Variants in ZNF487 observed in about 807,000 individuals in gnomAD.
ZNF487 encodes KRAB domain only 1.
Under a neutral mutation model 3.0 loss-of-function variants are expected in ZNF487, and 4 were observed. The observed-to-expected ratio is 1.35, with a 90% CI of 0.66 to 3.08. The LOEUF is 3.08. Among genes scored for constraint, ZNF487 ranks in the 30% most tolerant of loss-of-function variants. ZNF487 has a pLI of 0.01. For missense variants in ZNF487, 146 were observed against 98.7 expected (o/e 1.48, Z -2.03); for synonymous variants, 55 against 34.6 (o/e 1.59, Z -2.06).
At chr10:43,445,102 G>A (rs1839750266) in intron 1 of ZNF487, among the ~76,000 whole-genome samples, 1 of 151,038 alleles carries the variant, frequency 6.6e-6, no homozygotes, top group South Asian at 2.1e-4. Flanking sequence ...CTAATCTGCT[G>A]TTCATTTCAT....
chr10:43,459,060 C>G (rs1212746044), intron 1 of ZNF487, among the ~76,000 whole-genome samples: 2 of 152,066 alleles, frequency 1.3e-5, no homozygotes, highest in Non-Finnish European at 2.9e-5. Context: ...CTTAATTGAG[C>G]ATTCTGTCCA....
the ZNF487 span, among the ~76,000 whole-genome samples, chr10:43,497,347 A>T: frequency 6.6e-6 from 1 of 152,358 alleles, no homozygotes; most frequent in East Asian, 1.9e-4. Flanking sequence ...TCAGAACACA[A>T]ATTTTAATGA....
chr10:43,445,951 C>T (rs1388132093), intron 1 of ZNF487, among the ~76,000 whole-genome samples: 3 of 152,166 alleles, frequency 2.0e-5, no homozygotes, highest in Non-Finnish European at 4.4e-5. Context: ...ATCCATTTAA[C>T]CCTGAGTTGA....
Position 43,479,960 on chromosome 10 carries a change from T to C in ZNF487, c.131-1469T>C, listed in dbSNP as rs558579501. Among the ~76,000 whole-genome samples, 157 of 39,594 alleles carry C rather than the reference T, an allele frequency of 4.0e-3. 1 individual carries two copies. Among genetic ancestry groups the C allele is most frequent in the East Asian group, 0.02 (13 of 650 alleles). The allele number at this position is 39,594 out of a possible 152,430, so 26.0% of individuals were successfully genotyped here. ...TGTGAACCACTGCACCTGACTCTCT[T>C]TCTTTCTTTCTTTTCTTTCTTTCCT... On this transcript the variant is annotated intron_variant, in intron 3 of 3. Transcript: ENST00000437590.
chr10:43,449,869 G>A (rs1291989563), intron 1 of ZNF487, among the ~76,000 whole-genome samples: 2 of 151,864 alleles, frequency 1.3e-5, no homozygotes, highest in East Asian at 1.9e-4. Context: ...TAGTAGAGAC[G>A]GGGTTTCCCC....
At chr10:43,513,020 C>T in the ZNF487 span, among the ~76,000 whole-genome samples, 1 of 152,372 alleles carries the variant, frequency 6.6e-6, no homozygotes, top group East Asian at 1.9e-4. Flanking sequence ...CATCCTCTGG[C>T]ACACAAATGT....
chr10:43,441,656 G>C (rs750698435), intron 1 of ZNF487, among the ~76,000 whole-genome samples: 14 of 151,672 alleles, frequency 9.2e-5, no homozygotes, highest in Non-Finnish European at 1.9e-4. Context: ...GTGCGATCTC[G>C]GCTCACTGCA....
intron 3 of ZNF487, among the ~76,000 whole-genome samples, chr10:43,478,968 C>T (rs754528275): frequency 9.1e-5 from 13 of 143,474 alleles, no homozygotes; most frequent in Non-Finnish European, 1.7e-4. Flanking sequence ...GTGCAGTAGC[C>T]GATCTCTTTT....
chr10:43,471,197 C>T (rs1247527698), intron 1 of ZNF487, among the ~76,000 whole-genome samples: 1 of 152,154 alleles, frequency 6.6e-6, no homozygotes, highest in South Asian at 2.1e-4. Flanking sequence ...CCATTGCGCT[C>T]AACCCCTTGC....
chr10:43,510,322 C>T, the ZNF487 span, among the ~76,000 whole-genome samples: 2 of 152,136 alleles, frequency 1.3e-5, no homozygotes, highest in Non-Finnish European at 2.9e-5. Context: ...GGTGGAGTGA[C>T]CCAAACCTTC....
chr10:43,510,406 A>G, the ZNF487 span, among the ~76,000 whole-genome samples: 94 of 152,306 alleles, frequency 6.2e-4, no homozygotes, highest in East Asian at 0.011. Flanking sequence ...ATCTAATTAC[A>G]GCACATGGTA....
At chr10:43,493,944 T>C in the ZNF487 span, among the ~76,000 whole-genome samples, 1 of 150,528 alleles carries the variant, frequency 6.6e-6, no homozygotes, top group Non-Finnish European at 1.5e-5. Context: ...GGCAGGAGAA[T>C]GGCTTGAACC....
intron 1 of ZNF487, among the ~76,000 whole-genome samples, chr10:43,442,493 G>T (rs1839651047): frequency 6.6e-6 from 1 of 151,940 alleles, no homozygotes; most frequent in Non-Finnish European, 1.5e-5. Flanking sequence ...ACCCAGGCTG[G>T]AGTGCAGTGG....
chr10:43,500,100 C>G, the ZNF487 span, among the ~76,000 whole-genome samples: 1 of 152,166 alleles, frequency 6.6e-6, no homozygotes, highest in Non-Finnish European at 1.5e-5. Flanking sequence ...ATCTTGAACT[C>G]CTGACCTCAG....
intron 3 of ZNF487, among the ~76,000 whole-genome samples, chr10:43,478,938 G>A (rs1368421344): frequency 2.1e-5 from 3 of 146,282 alleles, no homozygotes; most frequent in Admixed American, 1.4e-4. Flanking sequence ...ATGGAGTCTC[G>A]CTTTGTCTTC....
chr10:43,471,889 G>A (rs141810323), intron 1 of ZNF487, among the ~76,000 whole-genome samples: 55 of 152,286 alleles, frequency 3.6e-4, no homozygotes, highest in African/African-American at 1.3e-3. Flanking sequence ...AAACCAATTA[G>A]GAAAGGGTAG....
At chr10:43,474,624 C>T (rs1454857431) in intron 1 of ZNF487, among the ~76,000 whole-genome samples, 1 of 151,956 alleles carries the variant, frequency 6.6e-6, no homozygotes, top group Non-Finnish European at 1.5e-5. Flanking sequence ...GCTCTGTCAC[C>T]CAGGCTGGAG....
In ZNF487 at chr10:43,441,034, ATTTTTTTTTTTTTTT is replaced by A. The variant is rs763451709; in HGVS notation, c.-94+3792_-94+3806del. Among the ~76,000 whole-genome samples, 113 of 44,552 alleles carry A rather than the reference ATTTTTTTTTTTTTTT, an allele frequency of 2.5e-3. 1 individual carries two copies. Among genetic ancestry groups the A allele is most frequent in the African/African-American group, 9.4e-3 (89 of 9,422 alleles). The allele number at this position is 44,552 out of a possible 152,430, so 29.2% of individuals were successfully genotyped here. A position where few individuals can be genotyped will look rare whatever the true frequency, so the allele number is the denominator to read the frequency against. On this transcript the variant is annotated intron_variant, in intron 1 of 3. Transcript: ENST00000437590. ...GGTAAATGCTACCACACCTGGTTAA[ATTTTTTTTTTTTTTT>A]TTTTTTTTTTTTTTTTTTTGGTGGA...
intron 1 of ZNF487, among the ~76,000 whole-genome samples, chr10:43,464,421 G>A (rs893021697): frequency 6.6e-6 from 1 of 151,848 alleles, no homozygotes; most frequent in Non-Finnish European, 1.5e-5. Context: ...TTCTCGCAGA[G>A]GGGGATTTGG....
Sources: gnomAD v4.1 joint callset for allele counts (sites outside exome capture counted in the v4.1 genomes callset) on GRCh38, gnomAD v4.1.1 for gene constraint, MANE v1.5 for transcripts, NCBI Gene and HGNC (gene_info 2026-07-23, HGNC 2026-07-21) for gene names.